NTM: variants seen among roughly 807,000 people sequenced by gnomAD.
NTM encodes the protein IgLON family member 2.
In NTM, 13 loss-of-function variants were observed where a neutral mutation model predicts 42.1. The observed-to-expected ratio is 0.31, with a 90% CI of 0.20 to 0.49. NTM has a LOEUF of 0.49. NTM is among the 20% of genes least tolerant of loss of function. The pLI is 0.99. For missense variants in NTM, 373 were observed against 452.8 expected, an observed-to-expected ratio of 0.82 and a Z score of 1.60; for synonymous variants, 187 against 179.2, an observed-to-expected ratio of 1.04 and a Z score of -0.35.
chr11:132,106,868 C>T (rs2062441229), intron 2 of NTM, among the ~76,000 whole-genome samples: 1 of 152,124 alleles, frequency 6.6e-6, no homozygotes, highest in African/African-American at 2.4e-5. Flanking sequence ...ATGTTTAATT[C>T]CCTGAGCGTG....
intron 1 of NTM, among the ~76,000 whole-genome samples, chr11:131,837,009 C>A (rs996925042): frequency 1.3e-5 from 2 of 152,170 alleles, no homozygotes; most frequent in Non-Finnish European, 2.9e-5. Flanking sequence ...TGGAAAAGAA[C>A]TCAAGTACAC....
chr11:131,485,020 G>C (rs73588768), intron 1 of NTM, among the ~76,000 whole-genome samples: 9,853 of 152,218 alleles, frequency 0.065, 1,036 homozygotes, highest in African/African-American at 0.22. Context: ...CTGCCTCAGA[G>C]AGTTGTGGAA....
intron 3 of NTM, among the ~76,000 whole-genome samples, chr11:132,194,736 G>T (rs976048146): frequency 1.3e-5 from 2 of 150,402 alleles, no homozygotes; most frequent in African/African-American, 4.9e-5. Flanking sequence ...TCTGCCAAAA[G>T]CCTCCTAGAA....
intron 2 of NTM, among the ~76,000 whole-genome samples, chr11:131,951,250 T>C (rs2134353479): frequency 6.6e-6 from 1 of 152,346 alleles, no homozygotes; most frequent in South Asian, 2.1e-4. Flanking sequence ...ATCTTTTTTT[T>C]TCCTTAGCCT....
intron 1 of NTM, among the ~76,000 whole-genome samples, chr11:131,681,779 TTC>T (rs2072964432): frequency 7.0e-6 from 1 of 142,878 alleles, no homozygotes; most frequent in Non-Finnish European, 1.6e-5. Context: ...GCGTGTGTGT[TTC>T]TGTGTCTGTG....
intron 1 of NTM, among the ~76,000 whole-genome samples, chr11:131,905,407 T>G (rs1251586357): frequency 6.6e-6 from 1 of 152,154 alleles, no homozygotes; most frequent in African/African-American, 2.4e-5. Context: ...ATCCTTAGTT[T>G]GTATGAGCAC....
At chr11:131,405,867 G>A (rs1006236244) in intron 1 of NTM, among the ~76,000 whole-genome samples, 2 of 152,138 alleles carry the variant, frequency 1.3e-5, no homozygotes, top group Admixed American at 6.5e-5. Flanking sequence ...AACTTGCCAA[G>A]TTTGGTCTTA....
intron 1 of NTM, among the ~76,000 whole-genome samples, chr11:131,850,116 A>C (rs1422486547): frequency 6.6e-6 from 1 of 152,162 alleles, no homozygotes; most frequent in Non-Finnish European, 1.5e-5. Flanking sequence ...ATTAGTGTAG[A>C]TGTAAACACT....
At chr11:132,316,147 C>T (rs2095423905) in intron 7 of NTM, among the ~76,000 whole-genome samples, 1 of 150,782 alleles carries the variant, frequency 6.6e-6, no homozygotes, top group Admixed American at 6.6e-5. Flanking sequence ...CTACTCTCTC[C>T]TGACTTGGTT....
intron 8 of NTM, among the ~76,000 whole-genome samples, chr11:132,334,295 A>C (rs867009759): frequency 1.6e-4 from 24 of 152,222 alleles, no homozygotes; most frequent in African/African-American, 5.8e-4. Context: ...ATCTCCATAC[A>C]CTGGGGCAGG....
intron 2 of NTM, among the ~76,000 whole-genome samples, chr11:132,051,406 C>T (rs1276398791): frequency 6.6e-6 from 1 of 152,112 alleles, no homozygotes; most frequent in African/African-American, 2.4e-5. Flanking sequence ...ATCTTGAATC[C>T]GCAGTCTCAA....
At chr11:131,504,120 C>T (rs1306764442) in intron 1 of NTM, among the ~76,000 whole-genome samples, 1 of 152,178 alleles carries the variant, frequency 6.6e-6, no homozygotes. Flanking sequence ...CTCCAGGCCC[C>T]TGCTTCTGGA....
At chr11:131,408,911 T>C (rs560092315) in intron 1 of NTM, among the ~76,000 whole-genome samples, 5 of 152,240 alleles carry the variant, frequency 3.3e-5, no homozygotes, top group African/African-American at 9.6e-5. Flanking sequence ...CATCATATCA[T>C]CCCAAAGCAG....
At chr11:132,023,781 T>TTGG (rs1229479741) in intron 2 of NTM, among the ~76,000 whole-genome samples, 3 of 134,986 alleles carry the variant, frequency 2.2e-5, no homozygotes, top group African/African-American at 7.7e-5. Context: ...TTTGTTGTTG[T>TTGG]TGGTGGTTTT....
chr11:131,542,854 C>T (rs548302968), intron 1 of NTM, among the ~76,000 whole-genome samples: 14 of 152,284 alleles, frequency 9.2e-5, no homozygotes, highest in Non-Finnish European at 1.5e-4. Context: ...ACGTGAGAGT[C>T]GGTGCTAATT....
chr11:132,281,421 T>C (rs2139840881), intron 4 of NTM, among the ~76,000 whole-genome samples: 1 of 152,340 alleles, frequency 6.6e-6, no homozygotes, highest in African/African-American at 2.4e-5. Context: ...GAGTTCAATA[T>C]ATACAAGTAT....
At chr11:131,406,012 T>G (rs1471656364) in intron 1 of NTM, among the ~76,000 whole-genome samples, 1 of 152,226 alleles carries the variant, frequency 6.6e-6, no homozygotes, top group Non-Finnish European at 1.5e-5. Flanking sequence ...CACTCCGTCC[T>G]TCTCTATCAG....
At chr11:131,892,738 G>T (rs1439442422) in intron 1 of NTM, among the ~76,000 whole-genome samples, 1 of 152,232 alleles carries the variant, frequency 6.6e-6, no homozygotes, top group South Asian at 2.1e-4. Flanking sequence ...GGCAAGAGGG[G>T]TAGCCATAGC....
At chr11:131,391,644 G>GGAAAA (rs1565455663) in intron 1 of NTM, among the ~76,000 whole-genome samples, 7 of 81,546 alleles carry the variant, frequency 8.6e-5, no homozygotes, top group African/African-American at 3.2e-4. Context: ...TTTTATCTGG[G>GGAAAA]AAAAAAAAAA....
Sources: allele counts gnomAD v4.1 joint callset (sites outside exome capture counted in the v4.1 genomes callset), GRCh38; gene constraint gnomAD v4.1.1; transcripts MANE v1.5; gene names NCBI Gene and HGNC (gene_info 2026-07-23, HGNC 2026-07-21).